Variants in RAPGEF4 observed in about 807,000 individuals in gnomAD.
RAPGEF4 encodes the protein RAP guanine-nucleotide-exchange factor (GEF) 4.
RAPGEF4 carries 66 observed loss-of-function variants against 147.9 expected under a neutral mutation model. That is an observed-to-expected ratio of 0.45 (90% CI 0.37 to 0.55). The LOEUF (loss-of-function observed/expected upper bound fraction) is 0.55. Among genes scored for constraint, RAPGEF4 ranks in the 20% least tolerant of loss-of-function variants. RAPGEF4 has a pLI of 0.00. For synonymous variants in RAPGEF4, 419 were observed against 442.7 expected, an observed-to-expected ratio of 0.95 and a Z score of 0.67; for missense variants, 1,071 against 1,257.3, an observed-to-expected ratio of 0.85 and a Z score of 2.24.
intron 4 of RAPGEF4, among the ~76,000 whole-genome samples, chr2:172,862,890 T>C (rs1338265871): frequency 6.6e-6 from 1 of 152,114 alleles, no homozygotes; most frequent in Non-Finnish European, 1.5e-5. Flanking sequence ...TATAGTAGTA[T>C]CATTTACCCC....
At chr2:172,786,401 A>G (rs1202164786) in intron 1 of RAPGEF4, among the ~76,000 whole-genome samples, 1 of 152,124 alleles carries the variant, frequency 6.6e-6, no homozygotes, top group Non-Finnish European at 1.5e-5. Context: ...GCTCATCTTT[A>G]TACTTCCAGA....
intron 4 of RAPGEF4, among the ~76,000 whole-genome samples, chr2:172,861,667 AT>A (rs1284379405): frequency 6.6e-6 from 1 of 152,210 alleles, no homozygotes; most frequent in Non-Finnish European, 1.5e-5. Context: ...CTGAATCTTA[AT>A]CTGTTTAATT....
chr2:172,976,064 A>G (rs1420697239), intron 10 of RAPGEF4, among the ~76,000 whole-genome samples: 4 of 152,270 alleles, frequency 2.6e-5, no homozygotes, highest in Admixed American at 6.5e-5. Flanking sequence ...AAGTATTCAT[A>G]AAGCTTTTGC....
At chr2:173,005,756 C>T (rs1036841065) in intron 17 of RAPGEF4, among the ~76,000 whole-genome samples, 2 of 152,046 alleles carry the variant, frequency 1.3e-5, no homozygotes, top group Admixed American at 6.5e-5. Flanking sequence ...CTCTTGACCT[C>T]GTGATCTGCC....
At position 173,036,176 on chromosome 2, in the gene RAPGEF4, C is replaced by T. The variant is rs768596167; in HGVS notation, c.2752C>T (p.Pro918Ser). The stretch of plus-strand genomic sequence containing the variant: ...CAGGCTGACAGTAGCTAAGCTGGAA[C>T]CTCCTCTCATCCCCTTCATGCCTTT... ...AYRLTVAKLE[P>S]PLIPFMPLLI... Residue 918 changes from proline (P) to serine (S), a missense_variant, in exon 28 of 31, where the codon CCT becomes TCT. Coordinates refer to ENST00000397081, the MANE Select transcript of RAPGEF4 (RefSeq NM_007023.4). 3.1e-6 allele frequency: 5 copies of T among 1,612,854 alleles called. No individual in the cohort carries two copies. The African/African-American group carries it at 6.7e-5, about 22-fold the overall frequency.
chr2:172,941,586 T>C (rs898377980), intron 6 of RAPGEF4, among the ~76,000 whole-genome samples: 12 of 152,156 alleles, frequency 7.9e-5, no homozygotes, highest in African/African-American at 2.9e-4. Context: ...TTATTAAGGC[T>C]TTTGAAAAAT....
intron 4 of RAPGEF4, among the ~76,000 whole-genome samples, chr2:172,884,060 G>A (rs1174546281): frequency 6.6e-6 from 1 of 152,152 alleles, no homozygotes; most frequent in African/African-American, 2.4e-5. Flanking sequence ...TAACTAAACT[G>A]TTGCCACAGC....
At chr2:172,780,016 C>T (rs985851627) in intron 1 of RAPGEF4, among the ~76,000 whole-genome samples, 4 of 152,074 alleles carry the variant, frequency 2.6e-5, no homozygotes, top group African/African-American at 4.8e-5. Flanking sequence ...ATATATTCTT[C>T]CCTCTGCCAC....
intron 1 of RAPGEF4, among the ~76,000 whole-genome samples, chr2:172,770,479 A>G (rs1194258325): frequency 2.0e-5 from 3 of 152,190 alleles, no homozygotes; most frequent in Non-Finnish European, 4.4e-5. Flanking sequence ...GAGTACATTG[A>G]TGGGCCCTAA....
chr2:172,925,809 G>T (rs1197665347), intron 6 of RAPGEF4, among the ~76,000 whole-genome samples: 1 of 145,996 alleles, frequency 6.8e-6, no homozygotes, highest in Admixed American at 7.0e-5. Context: ...AAGAAAGAAA[G>T]AGAGAGAGAA....
intron 6 of RAPGEF4, among the ~76,000 whole-genome samples, chr2:172,949,519 G>A (rs1347770801): frequency 1.3e-5 from 2 of 152,184 alleles, no homozygotes; most frequent in Non-Finnish European, 2.9e-5. Flanking sequence ...TGTTTCATCT[G>A]ATGCATTGAT....
At chr2:172,899,545 A>G (rs1485362984) in intron 4 of RAPGEF4, among the ~76,000 whole-genome samples, 6 of 152,176 alleles carry the variant, frequency 3.9e-5, no homozygotes, top group Admixed American at 2.6e-4. Flanking sequence ...CAGAAAACCT[A>G]GTTACAGAAG....
intron 4 of RAPGEF4, among the ~76,000 whole-genome samples, chr2:172,877,021 G>T (rs1173095056): frequency 6.6e-6 from 1 of 152,142 alleles, no homozygotes; most frequent in Non-Finnish European, 1.5e-5. Context: ...AGATTTTCTA[G>T]TTTATTTGCG....
At chr2:172,754,038 T>C (rs1695543148) in intron 1 of RAPGEF4, among the ~76,000 whole-genome samples, 1 of 152,242 alleles carries the variant, frequency 6.6e-6, no homozygotes, top group Admixed American at 6.5e-5. Context: ...TGATTTAAAC[T>C]ATGTTGTAAT....
intron 6 of RAPGEF4, among the ~76,000 whole-genome samples, chr2:172,925,986 G>A (rs1427052860): frequency 8.4e-6 from 1 of 119,668 alleles, no homozygotes; most frequent in African/African-American, 3.1e-5. Flanking sequence ...GGAGGGAAGG[G>A]AGGAAGGAAG....
chr2:173,024,310 C>A, intron 23 of RAPGEF4, among the ~76,000 whole-genome samples: 1 of 142,544 alleles, frequency 7.0e-6, no homozygotes, highest in East Asian at 2.1e-4. Flanking sequence ...CTCCGCCTCC[C>A]GGGTTCACGC....
chr2:172,847,724 G>A (rs1347199219), intron 4 of RAPGEF4, among the ~76,000 whole-genome samples: 1 of 152,174 alleles, frequency 6.6e-6, no homozygotes, highest in Non-Finnish European at 1.5e-5. Flanking sequence ...ATGTAAAAGG[G>A]CAGGGACGTA....
At position 173,036,635 on chromosome 2, in the gene RAPGEF4, A is replaced by G; in HGVS notation, c.2796A>G (p.Thr932=). The change falls in exon 29 of 31, where the codon ACA becomes ACG. Residue 932 remains threonine (T), a synonymous_variant. Coordinates refer to ENST00000397081, the MANE Select transcript of RAPGEF4 (RefSeq NM_007023.4). ...PFMPLLIKDM[T]FTHEGNKTFI... is the part of the protein sequence containing the mutation. ...GCTTTTATTTCTTTACAGATATGAC[A>G]TTTACTCATGAGGGGAACAAGACGT... 1.2e-6 allele frequency: 2 copies of G among 1,608,852 alleles called. No individual in the cohort carries two copies. The highest frequency in any genetic ancestry group is 3.3e-4 in the Middle Eastern group (2 of 6,040).
At chr2:172,811,009 A>C (rs917643956) in intron 3 of RAPGEF4, among the ~76,000 whole-genome samples, 1 of 152,238 alleles carries the variant, frequency 6.6e-6, no homozygotes, top group Admixed American at 6.5e-5. Flanking sequence ...AAGCCTATCA[A>C]AGTGTTCTAG....
Sources: gnomAD v4.1 joint callset for allele counts (sites outside exome capture counted in the v4.1 genomes callset) on GRCh38, gnomAD v4.1.1 for gene constraint, MANE v1.5 for transcripts, NCBI Gene and HGNC (gene_info 2026-07-23, HGNC 2026-07-21) for gene names.